Variants in PRKN observed in about 807,000 individuals in gnomAD.
PRKN encodes E3 ubiquitin-protein ligase parkin.
PRKN carries 56 observed loss-of-function variants against 59.5 expected under a neutral mutation model. The ratio of observed to expected loss-of-function variants is 0.94; its 90% CI spans 0.76 to 1.18. The LOEUF is 1.18. Among genes scored for constraint, PRKN ranks in the 50% most tolerant of loss-of-function variants. The probability of loss-of-function intolerance (pLI) is 0.00; values close to 1 mark genes in which losing one functional copy is unlikely to be tolerated. For synonymous variants in PRKN, 250 were observed against 222.1 expected (o/e 1.13, Z -1.12); for missense variants, 657 against 596.4 (o/e 1.10, Z -1.06).
intron 6 of PRKN, among the ~76,000 whole-genome samples, chr6:161,861,187 A>G (rs777223893): frequency 9.8e-5 from 15 of 152,318 alleles, no homozygotes; most frequent in Non-Finnish European, 2.1e-4. Context: ...ATGCCCATCA[A>G]TGATAGACTG....
intron 7 of PRKN, among the ~76,000 whole-genome samples, chr6:161,753,165 T>C (rs555413929): frequency 1.3e-5 from 2 of 152,144 alleles, no homozygotes; most frequent in South Asian, 4.2e-4. Context: ...TTAGAAGTCA[T>C]GAGTAGGTAA....
In PRKN at chr6:161,349,938, T is replaced by C. The variant is rs975260598; in HGVS notation, c.*161A>G. ...ACATAGTGAAAGGGATCCAGGAGTT[T>C]CTTCTGCAATTTGGCTGTAGTTGGA... On this transcript the variant is annotated 3_prime_UTR_variant, in exon 12 of 12. Coordinates refer to ENST00000366898, the MANE Select transcript of PRKN (RefSeq NM_004562.3). The surrounding 1 kb of genome is among the most constrained non-coding windows in gnomAD (Gnocchi z 5.5). 2 of 671,340 alleles carry C rather than the reference T, an allele frequency of 3.0e-6. No individual in the cohort carries two copies. The highest frequency in any genetic ancestry group is 3.5e-5 in the African/African-American group (2 of 56,486). 41.6% of individuals were successfully genotyped at this position (671,340 alleles called of 1,614,324 possible).
At chr6:162,114,238 C>A (rs1207192730) in intron 4 of PRKN, among the ~76,000 whole-genome samples, 1 of 152,042 alleles carries the variant, frequency 6.6e-6, no homozygotes, top group East Asian at 1.9e-4. Flanking sequence ...GTATTGTTTT[C>A]CAATTCTGTG....
At chr6:161,787,685 G>A (rs907568688) in intron 6 of PRKN, among the ~76,000 whole-genome samples, 17 of 152,192 alleles carry the variant, frequency 1.1e-4, no homozygotes, top group South Asian at 4.1e-4. Context: ...GGTGGCTCAC[G>A]CCTGTAATCC....
At chr6:162,705,238 C>T (rs1778297473) in intron 1 of PRKN, among the ~76,000 whole-genome samples, 1 of 152,148 alleles carries the variant, frequency 6.6e-6, no homozygotes, top group Non-Finnish European at 1.5e-5. Context: ...CCCCTCCTCA[C>T]CCCTTAAAGT....
rs1273601725 is a variant in PRKN, at chr6:161,488,403, A to G, written c.1083+60451T>C. Among the ~76,000 whole-genome samples, 13 of 152,236 alleles carry G rather than the reference A, an allele frequency of 8.5e-5. No homozygotes were observed. Among genetic ancestry groups the G allele is most frequent in the Admixed American group, 8.5e-4 (13 of 15,286 alleles). On this transcript the variant is annotated intron_variant, in intron 9 of 11. Coordinates refer to ENST00000366898, the MANE Select transcript of PRKN (RefSeq NM_004562.3). The surrounding 1 kb of genome is among the most constrained non-coding windows in gnomAD (Gnocchi z 4.5). ...CCGGAGTGGAGCTGCTTAAACTGTTAGTATAAATTATAATGGAATTTAAGT... is the reference window on the plus strand; with the variant it reads ...CCGGAGTGGAGCTGCTTAAACTGTTGGTATAAATTATAATGGAATTTAAGT...
At position 161,360,509 on chromosome 6, in the gene PRKN, G is replaced by T. The variant is rs892017734; in HGVS notation, c.1168-304C>A. ...CACCTATCAGGTGCTTAAAATGCAG[G>T]CAAGGTGATCAATGCTCAAATACAC... On this transcript the variant is annotated intron_variant, in intron 10 of 11. Coordinates refer to ENST00000366898, the MANE Select transcript of PRKN (RefSeq NM_004562.3). This position sits in a 1 kb window ranked among gnomAD's most constrained non-coding sequence, Gnocchi z 5.1. 3.3e-5 allele frequency among the ~76,000 whole-genome samples: 5 copies of T among 152,192 alleles called. No individual in the cohort carries two copies. The South Asian group carries it at 1.0e-3, about 31-fold the overall frequency.
At chr6:161,770,432 A>T (rs377209176) in intron 7 of PRKN, among the ~76,000 whole-genome samples, 16 of 151,080 alleles carry the variant, frequency 1.1e-4, no homozygotes, top group African/African-American at 3.9e-4. Flanking sequence ...TCAGGATGTG[A>T]CTCTATTTGG....
intron 9 of PRKN, among the ~76,000 whole-genome samples, chr6:161,408,487 T>C (rs1427670705): frequency 6.6e-6 from 1 of 151,428 alleles, no homozygotes; most frequent in Non-Finnish European, 1.5e-5. Flanking sequence ...TTTTCCTTTT[T>C]TTTTTTTTTT....
intron 7 of PRKN, among the ~76,000 whole-genome samples, chr6:161,703,567 G>A (rs376838482): frequency 5.9e-5 from 9 of 152,118 alleles, no homozygotes; most frequent in Admixed American, 2.6e-4. Flanking sequence ...GCATTAGAGT[G>A]ATTCCCTGAC....
At chr6:161,567,946 T>A (rs531511419) in intron 8 of PRKN, among the ~76,000 whole-genome samples, 1 of 152,334 alleles carries the variant, frequency 6.6e-6, no homozygotes, top group South Asian at 2.1e-4. Flanking sequence ...CAAGGAGTTA[T>A]GTTTGGGAGA....
rs2114969220 is a variant in PRKN at position 161,396,784 on chromosome 6, G to A, written c.1084-9907C>T. Among the ~76,000 whole-genome samples, 2 of 152,284 alleles carry A rather than the reference G, an allele frequency of 1.3e-5. No individual in the cohort carries two copies. The highest frequency in any genetic ancestry group is 4.8e-5 in the African/African-American group (2 of 41,554). On this transcript the variant is annotated intron_variant, in intron 9 of 11. Coordinates refer to ENST00000366898, the MANE Select transcript of PRKN (RefSeq NM_004562.3). This position sits in a 1 kb window ranked among gnomAD's most constrained non-coding sequence, Gnocchi z 5.4. ...CCTTATGCTCTCTAGCACAGCAGGG[G>A]AGGCGAAATGCTTTCCCTGAATACC...
chr6:161,641,252 G>T (rs1783726521), intron 7 of PRKN, among the ~76,000 whole-genome samples: 1 of 152,214 alleles, frequency 6.6e-6, no homozygotes, highest in Non-Finnish European at 1.5e-5. Flanking sequence ...TAGGAGTCAT[G>T]CAGCTGGAGG....
intron 6 of PRKN, among the ~76,000 whole-genome samples, chr6:161,896,957 G>A (rs1777651097): frequency 6.6e-6 from 1 of 152,236 alleles, no homozygotes; most frequent in East Asian, 1.9e-4. Flanking sequence ...ACATTGTGGT[G>A]TAATCTCTTG....
rs1486963322 is a variant in PRKN, at chr6:161,419,918, G to GCCTGGCAC, written c.1084-33049_1084-33042dup. Among the ~76,000 whole-genome samples the GCCTGGCAC allele has an allele frequency of 6.6e-6, 1 of 151,962 alleles. No homozygotes were observed. Among genetic ancestry groups the GCCTGGCAC allele is most frequent in the Non-Finnish European group, 1.5e-5 (1 of 68,016 alleles). ...TGTTTAAGAAAGTTCCTAGCACTGC[G>GCCTGGCAC]CCTGGCACGTAAAAGGCACTTGTTT... is the stretch of plus-strand genomic sequence containing the variant. On this transcript the variant is annotated intron_variant, in intron 9 of 11. Coordinates refer to ENST00000366898, the MANE Select transcript of PRKN (RefSeq NM_004562.3). This position sits in a 1 kb window ranked among gnomAD's most constrained non-coding sequence, Gnocchi z 4.1.
chr6:161,898,715 T>G (rs1777760325), intron 6 of PRKN, among the ~76,000 whole-genome samples: 1 of 152,206 alleles, frequency 6.6e-6, no homozygotes, highest in Non-Finnish European at 1.5e-5. Flanking sequence ...ATAAAATGTC[T>G]GAGTTTCTTA....
intron 5 of PRKN, among the ~76,000 whole-genome samples, chr6:161,994,072 A>G (rs1215027775): frequency 1.3e-5 from 2 of 152,196 alleles, no homozygotes; most frequent in African/African-American, 2.4e-5. Flanking sequence ...TCAAATATCC[A>G]AACTATAGCA....
At chr6:161,580,737 C>T (rs985490283) in intron 7 of PRKN, among the ~76,000 whole-genome samples, 4 of 151,930 alleles carry the variant, frequency 2.6e-5, no homozygotes, top group African/African-American at 7.3e-5. Context: ...CTCGGCCCCC[C>T]AAAGTGCTGC....
At chr6:161,365,833 A>C (rs1384166070) in intron 10 of PRKN, among the ~76,000 whole-genome samples, 2 of 152,124 alleles carry the variant, frequency 1.3e-5, no homozygotes. Context: ...ACCCGTGTAA[A>C]CATTTCCACA....
Sources: allele counts gnomAD v4.1 joint callset (sites outside exome capture counted in the v4.1 genomes callset), GRCh38; gene constraint gnomAD v4.1.1; non-coding constraint Gnocchi (gnomAD v3.1); transcripts MANE v1.5; gene names NCBI Gene and HGNC (gene_info 2026-07-23, HGNC 2026-07-21).